DBF4B: variants seen among roughly 807,000 people sequenced by gnomAD.
DBF4B encodes protein DBF4 homolog B.
In DBF4B, 49 loss-of-function variants were observed where a neutral mutation model predicts 53.4. The observed-to-expected ratio is 0.92, with a 90% CI of 0.73 to 1.16. DBF4B has a LOEUF of 1.16. DBF4B is among the 50% of genes most tolerant of loss of function. The probability of loss-of-function intolerance (pLI) is 0.00; values close to 1 mark genes in which losing one functional copy is unlikely to be tolerated. For synonymous variants in DBF4B, 257 were observed against 288.7 expected (o/e 0.89, Z 1.11); for missense variants, 692 against 775.0 (o/e 0.89, Z 1.27).
chr17:44,747,811 G>T (rs2049146755), intron 12 of DBF4B, among the ~76,000 whole-genome samples: 1 of 152,172 alleles, frequency 6.6e-6, no homozygotes, highest in South Asian at 2.1e-4. Context: ...GGGAGCAGGG[G>T]GTTAGTGCTT....
At chr17:44,727,033 A>T (rs1163393301) in intron 3 of DBF4B, among the ~76,000 whole-genome samples, 1 of 125,328 alleles carries the variant, frequency 8.0e-6, no homozygotes, top group Non-Finnish European at 1.6e-5. Context: ...CGGGAGGTGG[A>T]GGTTGCAGTG....
chr17:44,737,652 C>T (rs774792442), intron 8 of DBF4B, among the ~76,000 whole-genome samples: 4 of 152,146 alleles, frequency 2.6e-5, no homozygotes, highest in Non-Finnish European at 5.9e-5. Flanking sequence ...GCCCCTTCGA[C>T]AGGACTCCTG....
At chr17:44,742,800 G>A (rs1040587310) in intron 10 of DBF4B, among the ~76,000 whole-genome samples, 1 of 152,166 alleles carries the variant, frequency 6.6e-6, no homozygotes, top group African/African-American at 2.4e-5. Context: ...CTCTGCAGAT[G>A]TTTGAGAATT....
At chr17:44,748,763 C>G in intron 13 of DBF4B, 3 of 1,332,238 alleles carry the variant, frequency 2.3e-6, no homozygotes, top group Non-Finnish European at 3.0e-6. Flanking sequence ...TGGCCACAGG[C>G]TTCATTTTTT....
At chr17:44,735,632 C>T (rs754754088) in intron 7 of DBF4B, among the ~76,000 whole-genome samples, 12 of 152,122 alleles carry the variant, frequency 7.9e-5, no homozygotes, top group Non-Finnish European at 1.5e-4. Context: ...CACACCACTG[C>T]ACTCCAGCCT....
At chr17:44,747,240 G>T in intron 11 of DBF4B, 49 bp downstream of exon 11, 1 of 1,605,534 alleles carries the variant, frequency 6.2e-7, no homozygotes, top group Non-Finnish European at 8.5e-7. Flanking sequence ...CCCTGAGGGA[G>T]CCTGCTCACT....
rs147694238 is a variant in DBF4B, at chr17:44,728,804, A to C, written c.226-1101A>C. On this transcript the variant is annotated intron_variant, in intron 3 of 13. Coordinates refer to ENST00000315005, the MANE Select transcript of DBF4B (RefSeq NM_145663.3). ...TGCACTCCAGCCTGGTGACAAAAAA[A>C]AGGTAGATGTGATCAGACACGGTGG... Among the ~76,000 whole-genome samples the C allele has an allele frequency of 3.0e-3, 451 of 150,628 alleles. 2 individuals are homozygous for C. Among genetic ancestry groups the C allele is most frequent in the African/African-American group, 0.011 (437 of 40,918 alleles).
Position 44,708,759 on chromosome 17 carries a change from G to A in DBF4B, c.-62G>A, listed in dbSNP as rs1183888789. On this transcript the variant is annotated 5_prime_UTR_variant, in exon 1 of 14. Transcript: ENST00000315005. The stretch of plus-strand genomic sequence containing the variant: ...GAATCGGGAAGAGCTCATGGAGCTC[G>A]CGAATGTAATACGGAGGCCTCTGAG... The A allele has an allele frequency of 1.3e-6, 2 of 1,539,368 alleles. No homozygotes were observed. Among genetic ancestry groups the A allele is most frequent in the East Asian group, 2.5e-5 (1 of 40,630 alleles).
intron 8 of DBF4B, among the ~76,000 whole-genome samples, chr17:44,737,245 G>C (rs1975537483): frequency 6.6e-6 from 1 of 152,172 alleles, no homozygotes; most frequent in Non-Finnish European, 1.5e-5. Flanking sequence ...CAAACTCCGT[G>C]AAACTGACAA....
intron 9 of DBF4B, among the ~76,000 whole-genome samples, chr17:44,739,654 C>A (rs1199025398): frequency 6.6e-6 from 1 of 152,226 alleles, no homozygotes; most frequent in African/African-American, 2.4e-5. Flanking sequence ...CTGTTACAGC[C>A]TCAGTATCTG....
chr17:44,750,463 G>T (rs986065108), intron 13 of DBF4B, 132 bp from the exon 14 acceptor site: 1 of 1,456,318 alleles, frequency 6.9e-7, no homozygotes, highest in African/African-American at 1.4e-5. Context: ...CCACCTTAGA[G>T]GTCATGTTAC....
intron 1 of DBF4B, 79 bp from the exon 2 acceptor site, chr17:44,709,225 G>A: frequency 6.3e-7 from 1 of 1,579,206 alleles, no homozygotes; most frequent in Non-Finnish European, 8.7e-7. Context: ...GCGCGTTTTG[G>A]GAGACAGTAG....
At chr17:44,724,727 C>G (rs1009289980) in intron 3 of DBF4B, among the ~76,000 whole-genome samples, 5 of 152,180 alleles carry the variant, frequency 3.3e-5, no homozygotes, top group Non-Finnish European at 7.4e-5. Context: ...TACCTGTGAT[C>G]TCAACACTTT....
At chr17:44,736,692 C>G (rs1975473758) in intron 7 of DBF4B, 138 bp from the exon 8 acceptor site, 1 of 872,880 alleles carries the variant, frequency 1.1e-6, no homozygotes, top group Admixed American at 2.1e-5. Context: ...AGCTCAGGGC[C>G]TGAGAGTCTG....
intron 2 of DBF4B, among the ~76,000 whole-genome samples, chr17:44,714,304 GTA>G (rs1323077608): frequency 6.6e-6 from 1 of 152,066 alleles, no homozygotes; most frequent in Non-Finnish European, 1.5e-5. Context: ...AAAACTACCT[GTA>G]CCCCAGAAGC....
chr17:44,710,079 A>T (rs1274121334), intron 2 of DBF4B, among the ~76,000 whole-genome samples: 1 of 152,202 alleles, frequency 6.6e-6, no homozygotes, highest in Non-Finnish European at 1.5e-5. Flanking sequence ...AGGCTGAGGC[A>T]GGAAAATTGA....
chr17:44,738,461 G>C, intron 9 of DBF4B, 37 bp downstream of exon 9: 1 of 1,605,398 alleles, frequency 6.2e-7, no homozygotes, highest in Non-Finnish European at 8.5e-7. Flanking sequence ...GCCCCAGCTA[G>C]GCCTGCACAG....
chr17:44,732,505 T>C, intron 6 of DBF4B: 1 of 502,798 alleles, frequency 2.0e-6, no homozygotes, highest in Non-Finnish European at 3.6e-6. Flanking sequence ...CCGTTTCATG[T>C]CACCTGCTAC....
chr17:44,736,654 A>G (rs563081321), intron 7 of DBF4B, among the ~76,000 whole-genome samples, 176 bp from the exon 8 acceptor site: 1 of 152,202 alleles, frequency 6.6e-6, no homozygotes, highest in East Asian at 1.9e-4. Flanking sequence ...GTTGCCGAAG[A>G]GGGAGCCGTT....
Sources: gnomAD v4.1 joint callset for allele counts (sites outside exome capture counted in the v4.1 genomes callset) on GRCh38, gnomAD v4.1.1 for gene constraint, MANE v1.5 for transcripts, NCBI Gene and HGNC (gene_info 2026-07-23, HGNC 2026-07-21) for gene names.